The following GALNT13 variants were observed in gnomAD, a reference collection of about 807,000 sequenced individuals.
GALNT13 encodes UDP-GalNAc:polypeptide N-acetylgalactosaminyltransferase 13.
A neutral mutation model predicts 64.2 loss-of-function variants in GALNT13; 28 were observed. That is an observed-to-expected ratio of 0.44 (90% CI 0.32 to 0.60). GALNT13 has a LOEUF of 0.60. Ranked by LOEUF, GALNT13 falls within the 20% of genes least tolerant of loss-of-function variation. The probability of loss-of-function intolerance (pLI) is 0.05; values close to 1 mark genes in which losing one functional copy is unlikely to be tolerated. For synonymous variants in GALNT13, 214 were observed against 224.6 expected, an observed-to-expected ratio of 0.95 and a Z score of 0.42; for missense variants, 577 against 669.8, an observed-to-expected ratio of 0.86 and a Z score of 1.53.
the GALNT13 span, among the ~76,000 whole-genome samples, chr2:153,082,640 CACACACACACACACACACACACACAT>C: frequency 1.8e-5 from 2 of 112,474 alleles, no homozygotes; most frequent in African/African-American, 8.1e-5. Flanking sequence ...CACACACACA[CACACACACACACACACACACACACAT>C]ATATATAATT....
chr2:154,236,430 C>T (rs1689194371), intron 4 of GALNT13, among the ~76,000 whole-genome samples: 1 of 152,046 alleles, frequency 6.6e-6, no homozygotes, highest in Non-Finnish European at 1.5e-5. Flanking sequence ...GAAGCTCTCA[C>T]ACCTATAGTT....
chr2:153,964,914 T>C (rs1042269060), intron 3 of GALNT13, among the ~76,000 whole-genome samples: 2 of 152,250 alleles, frequency 1.3e-5, no homozygotes, highest in Non-Finnish European at 2.9e-5. Flanking sequence ...CATATGTCTA[T>C]ATGGTAGTAT....
chr2:154,211,652 A>G (rs928413883), intron 4 of GALNT13, among the ~76,000 whole-genome samples: 96 of 147,116 alleles, frequency 6.5e-4, no homozygotes, highest in Non-Finnish European at 1.1e-3. Flanking sequence ...AAAAAAAAAA[A>G]AAAGAAAAGA....
At chr2:153,440,212 G>A in the GALNT13 span, among the ~76,000 whole-genome samples, 6 of 150,058 alleles carry the variant, frequency 4.0e-5, no homozygotes. Flanking sequence ...TTTGTTTTCT[G>A]TTCCTGTGTT....
At chr2:153,204,747 A>C in the GALNT13 span, among the ~76,000 whole-genome samples, 2 of 152,162 alleles carry the variant, frequency 1.3e-5, no homozygotes, top group Non-Finnish European at 2.9e-5. Context: ...TCCCCTTTGC[A>C]AATTAATGGA....
the GALNT13 span, among the ~76,000 whole-genome samples, chr2:153,149,167 C>T: frequency 6.6e-6 from 1 of 151,784 alleles, no homozygotes; most frequent in Non-Finnish European, 1.5e-5. Context: ...AAATTTGGTC[C>T]AGATAATCTA....
intron 6 of GALNT13, among the ~76,000 whole-genome samples, chr2:154,245,222 T>G (rs1316028413): frequency 6.6e-6 from 1 of 152,190 alleles, no homozygotes; most frequent in Non-Finnish European, 1.5e-5. Flanking sequence ...ACTCTTAATT[T>G]GAGGACATTT....
chr2:154,075,946 T>C (rs1469278938), intron 3 of GALNT13, among the ~76,000 whole-genome samples: 8 of 151,800 alleles, frequency 5.3e-5, no homozygotes, highest in African/African-American at 1.9e-4. Flanking sequence ...TATTGACACA[T>C]TTATTTCTGA....
intron 1 of GALNT13, among the ~76,000 whole-genome samples, chr2:153,874,090 T>C (rs982876661): frequency 2.0e-4 from 26 of 127,184 alleles, no homozygotes; most frequent in African/African-American, 3.0e-4. Flanking sequence ...CGCACCCCCC[T>C]CCCGCAATCT....
chr2:153,651,722 G>A, the GALNT13 span, among the ~76,000 whole-genome samples: 2 of 152,126 alleles, frequency 1.3e-5, no homozygotes, highest in African/African-American at 2.4e-5. Context: ...TCTGGGCAGA[G>A]GTTGAGAAAT....
the GALNT13 span, among the ~76,000 whole-genome samples, chr2:153,743,712 C>A: frequency 5.9e-4 from 90 of 152,146 alleles, 1 homozygote; most frequent in Non-Finnish European, 1.1e-3. Context: ...CTAAAATGTA[C>A]AATTAAGTTA....
At chr2:153,944,818 G>A (rs183340352) in intron 3 of GALNT13, among the ~76,000 whole-genome samples, 179 bp downstream of exon 3, 106 of 152,210 alleles carry the variant, frequency 7.0e-4, no homozygotes, top group Admixed American at 1.8e-3. Flanking sequence ...GGTCTTAGGC[G>A]TCTTCTTGGA....
chr2:154,451,561 CT>C lies in GALNT13; in HGVS notation c.*1011del. The C allele has an allele frequency of 6.6e-6, 1 of 152,166 alleles. No homozygotes were observed. Among genetic ancestry groups the C allele is most frequent in the South Asian group, 2.1e-4 (1 of 4,828 alleles). The allele number at this position is 152,166 out of a possible 1,614,324, so 9.4% of individuals were successfully genotyped here. A position where few individuals can be genotyped will look rare whatever the true frequency, so the allele number is the denominator to read the frequency against. Reference sequence around the variant, plus strand: ...ACCTTTCAGTGCTGTGCTCCAGTATCTAAAAATTTTATCACCAGGGGAATAA... The same window carrying C: ...ACCTTTCAGTGCTGTGCTCCAGTATCAAAAATTTTATCACCAGGGGAATAA... On this transcript the variant is annotated 3_prime_UTR_variant, in exon 13 of 13. Transcript: ENST00000392825.
At chr2:154,455,310 G>A (rs1266760285), downstream of GALNT13, among the ~76,000 whole-genome samples, 5 of 152,156 alleles carry the variant, frequency 3.3e-5, no homozygotes, top group Non-Finnish European at 1.5e-5. Flanking sequence ...ATTTACAGAT[G>A]CTAAATCTAG....
At chr2:154,251,402 T>A (rs923143402) in intron 7 of GALNT13, among the ~76,000 whole-genome samples, 3 of 152,164 alleles carry the variant, frequency 2.0e-5, no homozygotes, top group African/African-American at 7.2e-5. Flanking sequence ...TTATTGGAAA[T>A]ATAGATGTTT....
chr2:153,957,823 C>A (rs1692676031), intron 3 of GALNT13, among the ~76,000 whole-genome samples: 1 of 152,080 alleles, frequency 6.6e-6, no homozygotes, highest in Non-Finnish European at 1.5e-5. Context: ...GACTGGCTTA[C>A]CCATATACTT....
intron 8 of GALNT13, among the ~76,000 whole-genome samples, chr2:154,294,173 A>G (rs1692793471): frequency 6.6e-6 from 1 of 152,236 alleles, no homozygotes; most frequent in Non-Finnish European, 1.5e-5. Context: ...ATGAGCCAGT[A>G]TCCATTGAGT....
the GALNT13 span, among the ~76,000 whole-genome samples, chr2:153,608,512 T>A: frequency 6.6e-6 from 1 of 151,828 alleles, no homozygotes; most frequent in Non-Finnish European, 1.5e-5. Flanking sequence ...TGAGTATCCA[T>A]CATGATAATA....
intron 11 of GALNT13, among the ~76,000 whole-genome samples, chr2:154,418,088 A>T (rs1053727106): frequency 2.0e-5 from 3 of 152,136 alleles, no homozygotes; most frequent in African/African-American, 7.2e-5. Flanking sequence ...TTTTCTTTTT[A>T]AAAAATCCCC....
Sources: allele counts gnomAD v4.1 joint callset (sites outside exome capture counted in the v4.1 genomes callset), GRCh38; gene constraint gnomAD v4.1.1; transcripts MANE v1.5; gene names NCBI Gene and HGNC (gene_info 2026-07-23, HGNC 2026-07-21).